The following DIAPH3 variants were observed in gnomAD, a reference collection of about 807,000 sequenced individuals.
The protein encoded by DIAPH3 is protein diaphanous homolog 3.
Under a neutral mutation model 144.3 loss-of-function variants are expected in DIAPH3, and 117 were observed. The observed-to-expected ratio is 0.81, with a 90% confidence interval of 0.70 to 0.95. The LOEUF (loss-of-function observed/expected upper bound fraction) is 0.95. Among genes scored for constraint, DIAPH3 ranks in the 40% least tolerant of loss-of-function variants. The pLI is 0.00. For missense variants in DIAPH3, 1,421 were observed against 1,412.7 expected (o/e 1.01, Z -0.09); for synonymous variants, 519 against 488.9 (o/e 1.06, Z -0.81).
chr13:59,700,309 GTGGGGACTTCCTGTT>G (rs1350803794), intron 27 of DIAPH3, among the ~76,000 whole-genome samples: 1 of 152,100 alleles, frequency 6.6e-6, no homozygotes, highest in East Asian at 1.9e-4. Flanking sequence ...TATTTCTCTG[GTGGGGACTTCCTGTT>G]TGGAGGACTC....
intron 4 of DIAPH3, chr13:60,044,069 C>T (rs768130698): frequency 6.6e-6 from 1 of 152,062 alleles, no homozygotes; most frequent in Non-Finnish European, 1.5e-5. Flanking sequence ...ACTGAAAGAA[C>T]TTGGACTTTT....
At chr13:59,738,055 T>A (rs1208539470) in intron 27 of DIAPH3, among the ~76,000 whole-genome samples, 2 of 152,012 alleles carry the variant, frequency 1.3e-5, no homozygotes, top group African/African-American at 4.8e-5. Flanking sequence ...TAATCCTAGC[T>A]ACTTGAGAGG....
chr13:59,926,873 T>G (rs1029405111), intron 17 of DIAPH3, among the ~76,000 whole-genome samples: 10 of 152,180 alleles, frequency 6.6e-5, no homozygotes, highest in African/African-American at 2.4e-4. Flanking sequence ...TTCAGATTGA[T>G]AGTTCTTTGA....
chr13:60,074,422 T>C (rs1015757780), intron 4 of DIAPH3, among the ~76,000 whole-genome samples: 8 of 152,310 alleles, frequency 5.3e-5, no homozygotes, highest in African/African-American at 1.7e-4. Flanking sequence ...CTCCAGAAGA[T>C]TGACGTGATC....
At chr13:59,917,291 CT>C (rs1478933943) in intron 18 of DIAPH3, among the ~76,000 whole-genome samples, 1 of 152,096 alleles carries the variant, frequency 6.6e-6, no homozygotes, top group Non-Finnish European at 1.5e-5. Context: ...ACTTGAGCAT[CT>C]GTGGATTTTG....
chr13:60,079,513 T>A (rs1301948765), intron 4 of DIAPH3, among the ~76,000 whole-genome samples: 2 of 152,014 alleles, frequency 1.3e-5, no homozygotes, highest in Non-Finnish European at 2.9e-5. Context: ...GGTATAGGTT[T>A]AAGATAACAA....
chr13:60,140,140 A>G (rs892746645), intron 1 of DIAPH3, among the ~76,000 whole-genome samples: 1 of 152,250 alleles, frequency 6.6e-6, no homozygotes, highest in African/African-American at 2.4e-5. Flanking sequence ...CATCTTGTCC[A>G]CAACACAAAT....
chr13:60,027,944 A>G (rs990877661), intron 5 of DIAPH3, among the ~76,000 whole-genome samples: 1 of 152,104 alleles, frequency 6.6e-6, no homozygotes, highest in Non-Finnish European at 1.5e-5. Flanking sequence ...CTACTACCCA[A>G]TGCTGGTCAG....
At chr13:59,738,527 G>A (rs993351218) in intron 27 of DIAPH3, among the ~76,000 whole-genome samples, 2 of 152,122 alleles carry the variant, frequency 1.3e-5, no homozygotes, top group Non-Finnish European at 2.9e-5. Flanking sequence ...TTGTACTGGA[G>A]AAGGGAGGGG....
intron 27 of DIAPH3, among the ~76,000 whole-genome samples, chr13:59,767,023 G>C (rs143478638): frequency 8.8e-4 from 134 of 152,214 alleles, no homozygotes; most frequent in African/African-American, 3.0e-3. Flanking sequence ...GCTCCTAGGG[G>C]AGAACGCTCC....
intron 4 of DIAPH3, among the ~76,000 whole-genome samples, chr13:60,084,601 GA>G (rs536170595): frequency 1.4e-4 from 20 of 147,868 alleles, no homozygotes; most frequent in East Asian, 2.0e-4. Flanking sequence ...GTTTCCCAAG[GA>G]AAAAAAAAAT....
chr13:59,850,352 C>G (rs960547108), intron 22 of DIAPH3, among the ~76,000 whole-genome samples: 2 of 151,140 alleles, frequency 1.3e-5, no homozygotes, highest in South Asian at 2.1e-4. Flanking sequence ...ACTTCCAACA[C>G]TATGTTGAAT....
intron 17 of DIAPH3, among the ~76,000 whole-genome samples, chr13:59,929,971 C>T (rs1378264214): frequency 6.6e-6 from 1 of 152,096 alleles, no homozygotes; most frequent in Non-Finnish European, 1.5e-5. Flanking sequence ...CAAATAGATT[C>T]TGAGAGATTT....
intron 4 of DIAPH3, among the ~76,000 whole-genome samples, chr13:60,092,361 G>A (rs2057965438): frequency 6.6e-6 from 1 of 152,094 alleles, no homozygotes; most frequent in Admixed American, 6.6e-5. Context: ...TATATAGAGA[G>A]CTAAAAAAAG....
chr13:59,737,847 A>T (rs1333502181), intron 27 of DIAPH3, among the ~76,000 whole-genome samples: 1 of 152,156 alleles, frequency 6.6e-6, no homozygotes, highest in Non-Finnish European at 1.5e-5. Flanking sequence ...CCTCAGAAAT[A>T]TACAAGGCCT....
intron 27 of DIAPH3, among the ~76,000 whole-genome samples, chr13:59,762,585 C>CT (rs1464341862): frequency 6.6e-6 from 1 of 151,504 alleles, no homozygotes; most frequent in East Asian, 1.9e-4. Context: ...TATCACTTGT[C>CT]TTTTTTTCTA....
At chr13:59,880,978 C>CAAAAAAAAAAAAAA (rs77481523) in intron 20 of DIAPH3, among the ~76,000 whole-genome samples, 7 of 64,820 alleles carry the variant, frequency 1.1e-4, no homozygotes, top group Admixed American at 5.3e-4. Context: ...CAACAAGGAC[C>CAAAAAAAAAAAAAA]AAAAAAAAAA....
chr13:59,969,439 G>T lies in DIAPH3; in HGVS notation c.2074+505C>A, dbSNP rs537956908. On this transcript the variant is annotated intron_variant, in intron 17 of 27. Coordinates refer to ENST00000400324, the MANE Select transcript of DIAPH3 (RefSeq NM_001042517.2). Reference sequence around the variant, plus strand: ...TGGGATACATGTGCAGAACATGCAGGTTTGTTACATAGGTATACACATGCC... The same window carrying T: ...TGGGATACATGTGCAGAACATGCAGTTTTGTTACATAGGTATACACATGCC... 1.9e-3 allele frequency among the ~76,000 whole-genome samples: 288 copies of T among 152,172 alleles called. 2 individuals carry two copies. The highest frequency in any genetic ancestry group is 6.7e-3 in the African/African-American group (277 of 41,534).
chr13:59,754,456 C>T (rs2037161107), intron 27 of DIAPH3, among the ~76,000 whole-genome samples: 2 of 152,110 alleles, frequency 1.3e-5, no homozygotes, highest in Admixed American at 6.5e-5. Flanking sequence ...CTCCTCTCAC[C>T]TCTTATGTCT....
Sources: gnomAD v4.1 joint callset for allele counts (sites outside exome capture counted in the v4.1 genomes callset) on GRCh38, gnomAD v4.1.1 for gene constraint, MANE v1.5 for transcripts, NCBI Gene and HGNC (gene_info 2026-07-23, HGNC 2026-07-21) for gene names.